Variants in TFCP2L1 observed in about 807,000 individuals in gnomAD.
The protein encoded by TFCP2L1 is transcription factor CP2-like protein 1.
In TFCP2L1, 12 loss-of-function variants were observed where a neutral mutation model predicts 72.2. The ratio of observed to expected loss-of-function variants is 0.17; its 90% CI spans 0.11 to 0.27. The LOEUF (loss-of-function observed/expected upper bound fraction) is 0.27. TFCP2L1 is among the 10% of genes least tolerant of loss of function. The pLI, the probability that TFCP2L1 is intolerant of heterozygous loss-of-function variation, is 1.00. For synonymous variants in TFCP2L1, 260 were observed against 251.0 expected, an observed-to-expected ratio of 1.04 and a Z score of -0.34; for missense variants, 488 against 624.6, an observed-to-expected ratio of 0.78 and a Z score of 2.33.
intron 1 of TFCP2L1, among the ~76,000 whole-genome samples, chr2:121,281,521 G>A (rs1374292786): frequency 6.6e-6 from 1 of 152,106 alleles, no homozygotes; most frequent in Non-Finnish European, 1.5e-5. Flanking sequence ...AGCCCATCAA[G>A]GAGGTAAAAG....
At chr2:121,279,938 T>A (rs557820224) in intron 2 of TFCP2L1, among the ~76,000 whole-genome samples, 4 of 152,172 alleles carry the variant, frequency 2.6e-5, no homozygotes, top group Non-Finnish European at 5.9e-5. Context: ...CAATAAAAGA[T>A]AAAGCAGAAG....
intron 10 of TFCP2L1, 130 bp from the exon 11 acceptor site, chr2:121,235,441 G>C (rs775235086): frequency 3.5e-5 from 30 of 847,980 alleles, no homozygotes; most frequent in Non-Finnish European, 5.3e-5. Context: ...ATCTCACAGA[G>C]AGAAAATGGC....
chr2:121,242,960 G>A (rs1364755114), intron 6 of TFCP2L1, among the ~76,000 whole-genome samples: 3 of 152,192 alleles, frequency 2.0e-5, no homozygotes, highest in Non-Finnish European at 4.4e-5. Flanking sequence ...GACAATCATG[G>A]GTGCTTTGCA....
Position 121,234,093 on chromosome 2 carries a change from G to C in TFCP2L1, c.1196C>G (p.Ser399Cys), listed in dbSNP as rs774258192. ...KRDGSGDSNL[S>C]VYHAIFLEEL... ...CAGCTCTGCTCCCCACAACTCACCA[G>C]ACAGGTTGCTGTCTCCACTGCCGTC... Residue 399 changes from serine to cysteine, a missense_variant and splice_region_variant, in exon 12 of 15, where the codon TCT becomes TGT. Transcript: ENST00000263707. 3.1e-6 allele frequency: 5 copies of C among 1,613,134 alleles called. No individual in the cohort carries two copies. The highest frequency in any genetic ancestry group is 1.7e-5 in the Admixed American group (1 of 60,028).
At position 121,239,642 on chromosome 2, in the gene TFCP2L1, G is replaced by GGAGAGCACTGCAGGA; in HGVS notation, c.769-8_775dup (p.Ser258_Pro259insLeuLeuGlnCysSer). The stretch of plus-strand genomic sequence containing the variant: ...CACCTGGTAGGCCACGTCGGGCCAT[G>GGAGAGCACTGCAGGA]GAGAGCACTGCAGGAGAGAGCACAG... On this transcript the variant is annotated inframe_insertion, in exon 8 of 15. Coordinates refer to ENST00000263707, the MANE Select transcript of TFCP2L1 (RefSeq NM_014553.3). The GGAGAGCACTGCAGGA allele has an allele frequency of 6.2e-7, 1 of 1,614,100 alleles. No homozygotes were observed. Among genetic ancestry groups the GGAGAGCACTGCAGGA allele is most frequent in the Non-Finnish European group, 8.5e-7 (1 of 1,179,976 alleles).
In TFCP2L1 at chr2:121,223,519, C is replaced by G. The variant is rs563191337; in HGVS notation, c.*822G>C. ...TCTGATGACACCTAGGAATGGAATA[C>G]TCATTCCTAATCCTCCTTACCCGTG... On this transcript the variant is annotated 3_prime_UTR_variant, in exon 15 of 15. Coordinates refer to ENST00000263707, the MANE Select transcript of TFCP2L1 (RefSeq NM_014553.3). The G allele has an allele frequency of 6.6e-5, 10 of 152,292 alleles. No individual in the cohort carries two copies. The South Asian group carries it at 1.7e-3, about 25-fold the overall frequency. 9.4% of individuals were successfully genotyped at this position (152,292 alleles called of 1,614,324 possible). A position where few individuals can be genotyped will look rare whatever the true frequency, so the allele number is the denominator to read the frequency against.
At chr2:121,263,952 G>T (rs1161519967) in intron 2 of TFCP2L1, among the ~76,000 whole-genome samples, 1 of 151,438 alleles carries the variant, frequency 6.6e-6, no homozygotes, top group Non-Finnish European at 1.5e-5. Flanking sequence ...TTGAAAACAT[G>T]AAGAAAAAAG....
intron 2 of TFCP2L1, among the ~76,000 whole-genome samples, chr2:121,261,097 T>C (rs1243436121): frequency 6.6e-6 from 1 of 152,218 alleles, no homozygotes; most frequent in Non-Finnish European, 1.5e-5. Flanking sequence ...GGCAAGTGTC[T>C]GTTGACACAG....
rs1685851820 is a variant in TFCP2L1, at chr2:121,217,207, G to A, written c.*7134C>T. 1 of 152,280 alleles carries A rather than the reference G, an allele frequency of 6.6e-6. No homozygotes were observed. Among genetic ancestry groups the A allele is most frequent in the Non-Finnish European group, 1.5e-5 (1 of 68,066 alleles). The allele number at this position is 152,280 out of a possible 1,614,324, so 9.4% of individuals were successfully genotyped here. The stretch of plus-strand genomic sequence containing the variant: ...CTCCCAGTTGACTTCCTGAAAACTG[G>A]GCTAGTGGGGGCCTCCCCATTGCTT... On this transcript the variant is annotated 3_prime_UTR_variant, in exon 15 of 15. Transcript: ENST00000263707.
intron 2 of TFCP2L1, among the ~76,000 whole-genome samples, chr2:121,250,506 T>C (rs1686586009): frequency 6.6e-6 from 1 of 152,000 alleles, no homozygotes; most frequent in Admixed American, 6.6e-5. Context: ...CAAAATTAAA[T>C]ACTGAACTAC....
chr2:121,229,665 C>T (rs1686100729), intron 13 of TFCP2L1, among the ~76,000 whole-genome samples: 2 of 152,226 alleles, frequency 1.3e-5, no homozygotes, highest in South Asian at 4.1e-4. Context: ...ATGACACCAC[C>T]CACGACTTGT....
chr2:121,271,583 A>G (rs1687048447), intron 2 of TFCP2L1, among the ~76,000 whole-genome samples: 1 of 152,218 alleles, frequency 6.6e-6, no homozygotes, highest in African/African-American at 2.4e-5. Context: ...AAGACAATAA[A>G]CAAAATAACT....
intron 4 of TFCP2L1, 35 bp downstream of exon 4, chr2:121,248,947 A>T: frequency 6.6e-7 from 1 of 1,511,168 alleles, no homozygotes. Context: ...GGGTGCCTCG[A>T]GCCTTGCCTG....
chr2:121,224,428 G>A, intron 14 of TFCP2L1, 41 bp from the exon 15 acceptor site: 1 of 1,608,008 alleles, frequency 6.2e-7, no homozygotes, highest in South Asian at 1.1e-5. Flanking sequence ...CAGGAAAAAA[G>A]GTGCAGTGCC....
rs111612965 is a variant in TFCP2L1 at position 121,262,842 on chromosome 2, G to C, written c.215-13195C>G. On this transcript the variant is annotated intron_variant, in intron 2 of 14. Coordinates refer to ENST00000263707, the MANE Select transcript of TFCP2L1 (RefSeq NM_014553.3). ...TGGGTCTCCATATGAACATCGACAT[G>C]CTCATAAGTACCTGGACACTTAATA... Among the ~76,000 whole-genome samples, 7 of 152,240 alleles carry C rather than the reference G, an allele frequency of 4.6e-5. No individual in the cohort carries two copies. In the East Asian group the frequency reaches 1.4e-3, roughly 29 times the overall value.
intron 6 of TFCP2L1, among the ~76,000 whole-genome samples, chr2:121,245,770 G>T (rs1438012919): frequency 6.6e-6 from 1 of 152,170 alleles, no homozygotes; most frequent in African/African-American, 2.4e-5. Context: ...GTCTCCCAGG[G>T]TTGCCACCAG....
At chr2:121,255,298 C>T (rs1686692239) in intron 2 of TFCP2L1, among the ~76,000 whole-genome samples, 1 of 152,058 alleles carries the variant, frequency 6.6e-6, no homozygotes, top group East Asian at 1.9e-4. Flanking sequence ...TAACAATGAT[C>T]CAGGAGGGAA....
At chr2:121,279,808 C>G (rs1274041273) in intron 2 of TFCP2L1, among the ~76,000 whole-genome samples, 1 of 152,178 alleles carries the variant, frequency 6.6e-6, no homozygotes, top group East Asian at 1.9e-4. Flanking sequence ...TCTGCTCTGC[C>G]CATTGAAAGT....
chr2:121,249,232 T>C, intron 3 of TFCP2L1, 145 bp from the exon 4 acceptor site: 2 of 619,550 alleles, frequency 3.2e-6, no homozygotes, highest in South Asian at 2.2e-5. Flanking sequence ...CTTTGCCCAC[T>C]GTCCCCTCCT....
Sources: allele counts gnomAD v4.1 joint callset (sites outside exome capture counted in the v4.1 genomes callset), GRCh38; gene constraint gnomAD v4.1.1; transcripts MANE v1.5; gene names NCBI Gene and HGNC (gene_info 2026-07-23, HGNC 2026-07-21).